Variants in KCNIP4 observed in about 807,000 individuals in gnomAD.
The protein encoded by KCNIP4 is Kv channel-interacting protein 4.
Under a neutral mutation model 34.0 loss-of-function variants are expected in KCNIP4, and 12 were observed. The ratio of observed to expected loss-of-function variants is 0.35; its 90% CI spans 0.23 to 0.57. KCNIP4 has a LOEUF of 0.57. Ranked by LOEUF, KCNIP4 falls within the 20% of genes least tolerant of loss-of-function variation. The pLI is 0.83. For missense variants in KCNIP4, 238 were observed against 311.7 expected, an observed-to-expected ratio of 0.76 and a Z score of 1.78; for synonymous variants, 124 against 102.2, an observed-to-expected ratio of 1.21 and a Z score of -1.29.
intron 1 of KCNIP4, among the ~76,000 whole-genome samples, chr4:21,157,199 T>C (rs1753201013): frequency 1.3e-5 from 2 of 152,116 alleles, no homozygotes; most frequent in Non-Finnish European, 1.5e-5. Flanking sequence ...AATAAATCAC[T>C]CAGTACACAT....
chr4:21,020,718 G>T (rs1739955845), intron 1 of KCNIP4, among the ~76,000 whole-genome samples: 1 of 152,098 alleles, frequency 6.6e-6, no homozygotes, highest in African/African-American at 2.4e-5. Context: ...AGATTATAAG[G>T]TAAATTGGAA....
chr4:20,748,390 T>A, intron 5 of KCNIP4, among the ~76,000 whole-genome samples: 1 of 151,868 alleles, frequency 6.6e-6, no homozygotes, highest in Non-Finnish European at 1.5e-5. Context: ...AGACAGTCCA[T>A]CAGTTGCACT....
At chr4:21,304,148 G>T (rs990822674) in intron 1 of KCNIP4, 1 of 208,230 alleles carries the variant, frequency 4.8e-6, no homozygotes, top group Admixed American at 6.5e-5. Context: ...AGGGAAAAGA[G>T]ACTAGATGGA....
At chr4:21,209,158 T>G (rs536218365) in intron 1 of KCNIP4, among the ~76,000 whole-genome samples, 1 of 152,282 alleles carries the variant, frequency 6.6e-6, no homozygotes, top group South Asian at 2.1e-4. Flanking sequence ...ATTTACATAT[T>G]TATAGGGTAC....
At chr4:20,967,967 AG>A (rs1159484606) in intron 1 of KCNIP4, among the ~76,000 whole-genome samples, 1 of 152,230 alleles carries the variant, frequency 6.6e-6, no homozygotes, top group Non-Finnish European at 1.5e-5. Context: ...GTACAGCAAA[AG>A]AAACTATCAT....
intron 1 of KCNIP4, among the ~76,000 whole-genome samples, chr4:20,975,106 C>T (rs1735352395): frequency 6.6e-6 from 1 of 152,168 alleles, no homozygotes; most frequent in Admixed American, 6.5e-5. Flanking sequence ...ACCAAGATCA[C>T]AGCCAGTAAA....
intron 1 of KCNIP4, among the ~76,000 whole-genome samples, chr4:21,799,129 A>T (rs770862960): frequency 3.9e-5 from 6 of 152,316 alleles, no homozygotes; most frequent in Non-Finnish European, 7.4e-5. Context: ...ACCATTAATA[A>T]TAATAAGAGG....
intron 1 of KCNIP4, among the ~76,000 whole-genome samples, chr4:20,953,613 C>T (rs1387461868): frequency 6.6e-6 from 1 of 152,026 alleles, no homozygotes; most frequent in African/African-American, 2.4e-5. Context: ...GCCCGGGAGG[C>T]AGAAGTTGCA....
At chr4:21,781,969 T>C (rs1297584295) in intron 1 of KCNIP4, among the ~76,000 whole-genome samples, 1 of 151,822 alleles carries the variant, frequency 6.6e-6, no homozygotes, top group Non-Finnish European at 1.5e-5. Context: ...GAGATACTAT[T>C]GATAAATCAA....
At chr4:21,158,231 C>T (rs559321387) in intron 1 of KCNIP4, among the ~76,000 whole-genome samples, 20 of 152,084 alleles carry the variant, frequency 1.3e-4, no homozygotes, top group South Asian at 6.2e-4. Context: ...AAACATACAA[C>T]GGGGAGATTA....
At chr4:21,250,568 T>C (rs1020273940) in intron 1 of KCNIP4, among the ~76,000 whole-genome samples, 1 of 152,056 alleles carries the variant, frequency 6.6e-6, no homozygotes, top group Non-Finnish European at 1.5e-5. Flanking sequence ...GTATCAAGAG[T>C]GACAGTTACA....
chr4:21,781,960 A>G (rs991258402), intron 1 of KCNIP4, among the ~76,000 whole-genome samples: 1 of 152,168 alleles, frequency 6.6e-6, no homozygotes, highest in Non-Finnish European at 1.5e-5. Flanking sequence ...GAGATACAAG[A>G]GATACTATTG....
At chr4:21,704,639 C>T (rs1480585994) in intron 1 of KCNIP4, among the ~76,000 whole-genome samples, 1 of 152,088 alleles carries the variant, frequency 6.6e-6, no homozygotes, top group East Asian at 1.9e-4. Flanking sequence ...TATTGAAATG[C>T]AGACTAAAAC....
chr4:20,756,104 A>G (rs1389163603), intron 4 of KCNIP4, among the ~76,000 whole-genome samples: 1 of 152,074 alleles, frequency 6.6e-6, no homozygotes, highest in Non-Finnish European at 1.5e-5. Context: ...GAATCAGAGA[A>G]GTCAGTTTGG....
At chr4:21,751,020 C>T (rs1717117099) in intron 1 of KCNIP4, among the ~76,000 whole-genome samples, 1 of 152,042 alleles carries the variant, frequency 6.6e-6, no homozygotes, top group South Asian at 2.1e-4. Context: ...TAGGGGGTGT[C>T]TTGATTATTT....
intron 3 of KCNIP4, among the ~76,000 whole-genome samples, chr4:20,825,238 T>TG (rs1221985007): frequency 6.7e-6 from 1 of 148,698 alleles, no homozygotes; most frequent in African/African-American, 2.5e-5. Context: ...TTTTTTTTTT[T>TG]TTTTTTTTTT....
intron 1 of KCNIP4, among the ~76,000 whole-genome samples, chr4:21,137,542 T>C (rs953433344): frequency 2.0e-5 from 3 of 152,220 alleles, no homozygotes; most frequent in Non-Finnish European, 4.4e-5. Context: ...TAAACTCTTT[T>C]AGCATCTTAT....
chr4:21,414,633 C>T (rs1724789141), intron 1 of KCNIP4, among the ~76,000 whole-genome samples: 1 of 152,114 alleles, frequency 6.6e-6, no homozygotes, highest in African/African-American at 2.4e-5. Context: ...TTAGCACTCC[C>T]ATGTTCATTG....
At chr4:21,048,699 T>C (rs1006822873) in intron 1 of KCNIP4, among the ~76,000 whole-genome samples, 2 of 152,132 alleles carry the variant, frequency 1.3e-5, no homozygotes, top group African/African-American at 4.8e-5. Flanking sequence ...CCACACATTC[T>C]TTGATGGTTC....
Sources: allele counts gnomAD v4.1 joint callset (sites outside exome capture counted in the v4.1 genomes callset), GRCh38; gene constraint gnomAD v4.1.1; transcripts MANE v1.5; gene names NCBI Gene and HGNC (gene_info 2026-07-23, HGNC 2026-07-21).